Variants in SPECC1 observed in about 807,000 individuals in gnomAD.
The protein encoded by SPECC1 is cytospin-B.
Under a neutral mutation model 104.1 loss-of-function variants are expected in SPECC1, and 62 were observed. The observed-to-expected ratio is 0.60, with a 90% CI of 0.49 to 0.74. The LOEUF is 0.74. Ranked by LOEUF, SPECC1 falls within the 30% of genes least tolerant of loss-of-function variation. The pLI, the probability that SPECC1 is intolerant of heterozygous loss-of-function variation, is 0.00. For synonymous variants in SPECC1, 513 were observed against 501.6 expected (o/e 1.02, Z -0.30); for missense variants, 1,306 against 1,310.5 (o/e 1.00, Z 0.05).
intron 1 of SPECC1, among the ~76,000 whole-genome samples, chr17:20,051,557 G>T (rs972319242): frequency 3.3e-5 from 5 of 152,068 alleles, no homozygotes; most frequent in African/African-American, 1.2e-4. Flanking sequence ...TGTATGTTTA[G>T]GTAAACATCT....
intron 3 of SPECC1, among the ~76,000 whole-genome samples, chr17:20,115,569 A>T (rs2048716277): frequency 6.6e-6 from 1 of 152,216 alleles, no homozygotes; most frequent in African/African-American, 2.4e-5. Context: ...AGTAGTGTAC[A>T]TCACAACTAA....
Position 20,043,353 on chromosome 17 carries a change from C to T in SPECC1, c.-22+33929C>T, listed in dbSNP as rs376000004. Among the ~76,000 whole-genome samples the T allele has an allele frequency of 3.9e-5, 6 of 152,262 alleles. No individual in the cohort carries two copies. In the East Asian group the frequency reaches 1.2e-3, roughly 29 times the overall value. On this transcript the variant is annotated intron_variant, in intron 1 of 14. Coordinates refer to ENST00000395527, the MANE Select transcript of SPECC1 (RefSeq NM_001243439.2). ...TCCTCTTCCCAAGCAGCCTTTTACT[C>T]AGTGGTTTTAGCATGTCTAGGTGAA...
intron 1 of SPECC1, among the ~76,000 whole-genome samples, chr17:20,018,689 A>G (rs557581693): frequency 2.9e-4 from 44 of 152,366 alleles, no homozygotes; most frequent in Non-Finnish European, 4.7e-4. Context: ...ACAAAGCACA[A>G]TCAGCAAAGG....
At chr17:20,033,534 T>C (rs1266793315) in intron 1 of SPECC1, among the ~76,000 whole-genome samples, 2 of 152,190 alleles carry the variant, frequency 1.3e-5, no homozygotes, top group Non-Finnish European at 2.9e-5. Context: ...TATCTGCTTC[T>C]GGCGAGGGCT....
intron 3 of SPECC1, among the ~76,000 whole-genome samples, chr17:20,199,614 A>G (rs979645618): frequency 1.3e-5 from 2 of 151,872 alleles, no homozygotes; most frequent in East Asian, 3.9e-4. Flanking sequence ...TCTGTTGCCC[A>G]GGCTGTTCTT....
chr17:20,292,804 C>T (rs117940654), intron 12 of SPECC1, among the ~76,000 whole-genome samples: 6 of 152,300 alleles, frequency 3.9e-5, no homozygotes, highest in Non-Finnish European at 5.9e-5. Flanking sequence ...TGCTTAGCGA[C>T]TGCTGAAAGT....
At position 20,205,424 on chromosome 17, in the gene SPECC1, C is replaced by G; in HGVS notation, c.1375C>G (p.Gln459Glu). The change falls in exon 4 of 15, where the codon CAG becomes GAG. Residue 459 changes from glutamine to glutamate, a missense_variant. This residue lies in a region of SPECC1 where 1,177 missense variants were observed against 1,139.9 expected (regional missense o/e 1.03). Coordinates refer to ENST00000395527, the MANE Select transcript of SPECC1 (RefSeq NM_001243439.2). ...ERVKNEEPTT[Q>E]EGKIIELEQK... is the part of the protein sequence containing the mutation. ...AGTAAAGAATGAAGAGCCCACCACTCAGGAAGGAAAAATTATTGAACTGGA... is the reference window on the plus strand; with the variant it reads ...AGTAAAGAATGAAGAGCCCACCACTGAGGAAGGAAAAATTATTGAACTGGA... 6 of 1,614,032 alleles carry G rather than the reference C, an allele frequency of 3.7e-6. No homozygotes were observed. Among genetic ancestry groups the G allele is most frequent in the African/African-American group, 2.7e-5 (2 of 75,010 alleles).
At chr17:20,011,226 T>C (rs1206900327) in intron 1 of SPECC1, among the ~76,000 whole-genome samples, 1 of 152,260 alleles carries the variant, frequency 6.6e-6, no homozygotes, top group Non-Finnish European at 1.5e-5. Flanking sequence ...TTGGCAGAAC[T>C]TGACTGCAGA....
rs184941176 is a variant in SPECC1, at chr17:20,307,642, T to C, written c.3117+1560T>C. Among the ~76,000 whole-genome samples the C allele has an allele frequency of 8.0e-3, 1,225 of 152,298 alleles. 18 individuals carry two copies. Among genetic ancestry groups the C allele is most frequent in the African/African-American group, 0.028 (1,166 of 41,556 alleles). On this transcript the variant is annotated intron_variant, in intron 14 of 14. Transcript: ENST00000395527. ...GAGGGAGAGAGCTTGGGAATGACTG[T>C]TGGGCTATCTAAATAATAGTGTCTG...
At position 20,227,574 on chromosome 17, in the gene SPECC1, C is replaced by T; in HGVS notation, c.2025C>T (p.His675=). ...AATTGGAAGATCAGGTGGAACAGCA[C>T]CGGGCTGTCAAGTTACACAATAATC... ...IFELEDQVEQ[H]RAVKLHNNQL... Residue 675 remains histidine (H), a synonymous_variant, in exon 5 of 15, where the codon CAC becomes CAT. Coordinates refer to ENST00000395527, the MANE Select transcript of SPECC1 (RefSeq NM_001243439.2). 1 of 1,612,140 alleles carries T rather than the reference C, an allele frequency of 6.2e-7. No homozygotes were observed. The highest frequency in any genetic ancestry group is 1.1e-5 in the South Asian group (1 of 90,894).
intron 1 of SPECC1, among the ~76,000 whole-genome samples, chr17:20,018,717 A>G (rs1454347788): frequency 2.0e-5 from 3 of 152,244 alleles, no homozygotes; most frequent in African/African-American, 7.2e-5. Flanking sequence ...GCATGGGGCC[A>G]AGTCCAAAGG....
intron 14 of SPECC1, among the ~76,000 whole-genome samples, chr17:20,306,554 A>G (rs1430757989): frequency 6.6e-6 from 1 of 152,254 alleles, no homozygotes; most frequent in African/African-American, 2.4e-5. Flanking sequence ...GGCTCACAAC[A>G]TGCTGATCTT....
intron 12 of SPECC1, among the ~76,000 whole-genome samples, chr17:20,281,809 G>A (rs1004767182): frequency 6.6e-6 from 1 of 152,236 alleles, no homozygotes; most frequent in Non-Finnish European, 1.5e-5. Flanking sequence ...AAAGGCAGAA[G>A]AGGAAAGAAA....
chr17:20,199,267 A>G (rs2036244008), intron 3 of SPECC1, among the ~76,000 whole-genome samples: 1 of 149,016 alleles, frequency 6.7e-6, no homozygotes, highest in Non-Finnish European at 1.5e-5. Flanking sequence ...TTGTATTTTT[A>G]GTAGAGACAG....
intron 12 of SPECC1, among the ~76,000 whole-genome samples, chr17:20,291,554 T>G (rs921773200): frequency 6.0e-5 from 9 of 151,218 alleles, no homozygotes; most frequent in African/African-American, 1.9e-4. Flanking sequence ...AGCCCACCAT[T>G]TTTTTTTTAA....
chr17:20,153,717 G>A (rs373732574), intron 3 of SPECC1, among the ~76,000 whole-genome samples: 4 of 152,198 alleles, frequency 2.6e-5, no homozygotes, highest in African/African-American at 9.7e-5. Flanking sequence ...TACAGAATTA[G>A]TATATTGACT....
chr17:20,244,961 C>T (rs899257348), intron 7 of SPECC1, among the ~76,000 whole-genome samples: 1 of 152,168 alleles, frequency 6.6e-6, no homozygotes, highest in African/African-American at 2.4e-5. Context: ...GGTCAATGAT[C>T]TATCATAGAA....
intron 1 of SPECC1, among the ~76,000 whole-genome samples, chr17:20,039,715 T>G: frequency 6.6e-6 from 1 of 151,950 alleles, no homozygotes; most frequent in Non-Finnish European, 1.5e-5. Flanking sequence ...CCACCATGCC[T>G]GGCTAATTTT....
chr17:20,058,911 C>T (rs1158500578), intron 1 of SPECC1, among the ~76,000 whole-genome samples: 1 of 143,438 alleles, frequency 7.0e-6, no homozygotes, highest in Admixed American at 7.3e-5. Flanking sequence ...GTGATCTCGG[C>T]TTACCTCAAG....
Sources: gnomAD v4.1 joint callset for allele counts (sites outside exome capture counted in the v4.1 genomes callset) on GRCh38, gnomAD v4.1.1 for gene constraint, gnomAD v4.1.1 regional missense constraint, MANE v1.5 for transcripts, NCBI Gene and HGNC (gene_info 2026-07-23, HGNC 2026-07-21) for gene names.